The following TRAK1 variants were observed in gnomAD, a reference collection of about 807,000 sequenced individuals.
TRAK1 encodes the protein trafficking kinesin-binding protein 1.
In TRAK1, 33 loss-of-function variants were observed where a neutral mutation model predicts 92.1. The ratio of observed to expected loss-of-function variants is 0.36; its 90% CI spans 0.27 to 0.48. The LOEUF is 0.48. Ranked by LOEUF, TRAK1 falls within the 20% of genes least tolerant of loss-of-function variation. TRAK1 has a pLI of 0.99. For missense variants in TRAK1, 1,123 were observed against 1,257.9 expected (o/e 0.89, Z 1.62); for synonymous variants, 521 against 517.3 (o/e 1.01, Z -0.10).
At chr3:42,119,691 C>G (rs974649300) in intron 1 of TRAK1, among the ~76,000 whole-genome samples, 1 of 152,178 alleles carries the variant, frequency 6.6e-6, no homozygotes, top group African/African-American at 2.4e-5. Context: ...ACGGAAAGGG[C>G]ATGACTTGGA....
rs2149366416 is a variant in TRAK1 at position 42,177,784 on chromosome 3, C to T, written c.363+894C>T. Among the ~76,000 whole-genome samples, 2 of 152,296 alleles carry T rather than the reference C, an allele frequency of 1.3e-5. 1 individual carries two copies. Among genetic ancestry groups the T allele is most frequent in the South Asian group, 4.1e-4 (2 of 4,828 alleles). On this transcript the variant is annotated intron_variant, in intron 3 of 15. Transcript: ENST00000327628. ...CACCGTTTTTGTGTGTCTCTCTTCC[C>T]ATGTCTCTACCGCTGCACATCCAGC...
At chr3:42,038,907 G>A (rs570368737) in intron 1 of TRAK1, among the ~76,000 whole-genome samples, 24 of 147,794 alleles carry the variant, frequency 1.6e-4, no homozygotes, top group Middle Eastern at 3.6e-3. Flanking sequence ...CTCCCGAAGT[G>A]TTGGGATTGA....
intron 2 of TRAK1, chr3:42,149,439 T>C: frequency 1.3e-6 from 2 of 1,520,412 alleles, no homozygotes; most frequent in African/African-American, 1.4e-5. Flanking sequence ...GATATTCTTC[T>C]GTCCAGTATT....
intron 14 of TRAK1, chr3:42,219,189 CCCCACCCCCCTCGCCT>C: frequency 8.1e-6 from 8 of 985,098 alleles, no homozygotes; most frequent in Non-Finnish European, 9.6e-6. Context: ...AGGCCCATTA[CCCCACCCCCCTCGCCT>C]CCCACCCCCA....
At chr3:42,168,721 GCCA>G (rs1419385309) in intron 2 of TRAK1, among the ~76,000 whole-genome samples, 1 of 152,104 alleles carries the variant, frequency 6.6e-6, no homozygotes, top group East Asian at 1.9e-4. Flanking sequence ...CTATAGGCAT[GCCA>G]CCACATCTGG....
intron 1 of TRAK1, among the ~76,000 whole-genome samples, chr3:42,092,739 T>A (rs1430191930): frequency 2.1e-5 from 3 of 146,280 alleles, no homozygotes; most frequent in African/African-American, 7.6e-5. Flanking sequence ...TTATGTTATG[T>A]TATGTTATGT....
At chr3:42,203,063 C>T (rs544388200) in intron 13 of TRAK1, 29 of 1,237,616 alleles carry the variant, frequency 2.3e-5, no homozygotes, top group Non-Finnish European at 2.8e-5. Context: ...ACTTTTGTGG[C>T]GGTAGAGGCA....
chr3:42,163,473 G>A (rs1406106244), intron 2 of TRAK1, among the ~76,000 whole-genome samples: 18 of 152,040 alleles, frequency 1.2e-4, no homozygotes, highest in Admixed American at 1.1e-3. Flanking sequence ...GGAGGCTGAG[G>A]CAGGGAATTG....
At position 42,203,817 on chromosome 3, in the gene TRAK1, A is replaced by G. The variant is rs909471782; in HGVS notation, c.1744+1065A>G. 1.1e-5 allele frequency: 9 copies of G among 845,322 alleles called. No homozygotes were observed. In the African/African-American group the frequency reaches 1.3e-4, roughly 12 times the overall value. The allele number at this position is 845,322 out of a possible 1,614,324, so 52.4% of individuals were successfully genotyped here. On this transcript the variant is annotated intron_variant, in intron 13 of 15. Coordinates refer to ENST00000327628, the MANE Select transcript of TRAK1 (RefSeq NM_001042646.3). Reference sequence around the variant, plus strand: ...TATATATTGTTTATGTACTATATGTATATACATAAACAATACATAAGCAAT... The same window carrying G: ...TATATATTGTTTATGTACTATATGTGTATACATAAACAATACATAAGCAAT...
At chr3:42,058,893 T>C (rs1006817867) in intron 1 of TRAK1, among the ~76,000 whole-genome samples, 1 of 152,184 alleles carries the variant, frequency 6.6e-6, no homozygotes, top group South Asian at 2.1e-4. Flanking sequence ...TTTAGAGATA[T>C]TGAAATGTGA....
Position 42,091,504 on chromosome 3 carries a change from G to C in TRAK1, c.35G>C (p.Arg12Thr). ...GTTTTTCAATTCGGGCAGCCCGTCA[G>C]GGCTCAGCCTCTGCCAGGACTCTGC... The part of the protein sequence containing the change: ...ALVFQFGQPV[R>T]AQPLPGLCHG... Residue 12 changes from arginine to threonine, a missense_variant, in exon 1 of 16, where the codon AGG becomes ACG. Arg to Thr is a moderately conservative substitution (Grantham distance 71, BLOSUM62 -1). Around this residue, in one of 3 missense-constraint regions of TRAK1, gnomAD observed 686 missense variants for 747.6 expected, o/e 0.92. Transcript: ENST00000327628. 2.5e-6 allele frequency: 4 copies of C among 1,613,522 alleles called. No homozygotes were observed. Among genetic ancestry groups the C allele is most frequent in the Non-Finnish European group, 3.4e-6 (4 of 1,179,846 alleles).
chr3:42,030,372 A>AAAAT (rs540353037), intron 1 of TRAK1, among the ~76,000 whole-genome samples: 50,081 of 131,686 alleles, frequency 0.38, 9,948 homozygotes, highest in South Asian at 0.53. Flanking sequence ...TAAAAAAAAA[A>AAAAT]ATATATATAT....
At chr3:42,016,650 C>T (rs1409095865) in intron 1 of TRAK1, among the ~76,000 whole-genome samples, 2 of 152,188 alleles carry the variant, frequency 1.3e-5, no homozygotes, top group Non-Finnish European at 2.9e-5. Flanking sequence ...GCATTCTCCT[C>T]TCCGTCAGCT....
At chr3:42,042,816 A>G (rs1328911030) in intron 1 of TRAK1, among the ~76,000 whole-genome samples, 1 of 152,118 alleles carries the variant, frequency 6.6e-6, no homozygotes, top group Non-Finnish European at 1.5e-5. Flanking sequence ...TAGAGGGTGC[A>G]CTAGCTCTTC....
intron 1 of TRAK1, among the ~76,000 whole-genome samples, chr3:42,125,132 A>G (rs909901494): frequency 1.3e-5 from 2 of 152,192 alleles, no homozygotes; most frequent in African/African-American, 4.8e-5. Flanking sequence ...GGTTGGAGGA[A>G]AGACTTAACT....
Position 42,122,300 on chromosome 3 carries a change from A to G in TRAK1, c.92-3120A>G, listed in dbSNP as rs79874325. ...TCTCAACTTTTGGGCAACTGGAAGC[A>G]TGCTCATAAGTGAGACATTATTCTG... On this transcript the variant is annotated intron_variant, in intron 1 of 15. Coordinates refer to ENST00000327628, the MANE Select transcript of TRAK1 (RefSeq NM_001042646.3). Among the ~76,000 whole-genome samples, 428 of 152,174 alleles carry G rather than the reference A, an allele frequency of 2.8e-3. 1 individual carries two copies. The highest frequency in any genetic ancestry group is 9.4e-3 in the African/African-American group (390 of 41,506).
At chr3:42,129,324 G>A (rs887319371) in intron 2 of TRAK1, among the ~76,000 whole-genome samples, 5 of 152,114 alleles carry the variant, frequency 3.3e-5, no homozygotes, top group African/African-American at 4.8e-5. Flanking sequence ...GATAAGGAGC[G>A]CTGGGGTTCT....
chr3:42,105,307 T>C (rs9861180), intron 1 of TRAK1, among the ~76,000 whole-genome samples: 2,641 of 152,216 alleles, frequency 0.017, 70 homozygotes, highest in African/African-American at 0.06. Context: ...GAATAAATAG[T>C]GTAGAGAAGA....
At chr3:42,101,898 C>T (rs987653803) in intron 1 of TRAK1, among the ~76,000 whole-genome samples, 10 of 152,150 alleles carry the variant, frequency 6.6e-5, no homozygotes, top group South Asian at 2.1e-4. Context: ...CTATTTACTC[C>T]GCGTTATTAA....
Sources: gnomAD v4.1 joint callset for allele counts (sites outside exome capture counted in the v4.1 genomes callset) on GRCh38, gnomAD v4.1.1 for gene constraint, gnomAD v4.1.1 regional missense constraint, MANE v1.5 for transcripts, NCBI Gene and HGNC (gene_info 2026-07-23, HGNC 2026-07-21) for gene names.